Variants in SYK observed in about 807,000 individuals in gnomAD.
The protein encoded by SYK is tyrosine-protein kinase SYK.
Under a neutral mutation model 77.8 loss-of-function variants are expected in SYK, and 16 were observed. The ratio of observed to expected loss-of-function variants is 0.21; its 90% CI spans 0.14 to 0.31. SYK has a LOEUF of 0.31. Ranked by LOEUF, SYK falls within the 10% of genes least tolerant of loss-of-function variation. SYK has a pLI of 1.00. For synonymous variants in SYK, 312 were observed against 308.7 expected (o/e 1.01, Z -0.11); for missense variants, 529 against 814.4 (o/e 0.65, Z 4.26).
At position 90,845,560 on chromosome 9, in the gene SYK, G is replaced by A. The variant is rs200476529; in HGVS notation, c.544G>A (p.Val182Ile). 1.2e-6 allele frequency: 2 copies of A among 1,614,060 alleles called. No individual in the cohort carries two copies. The highest frequency in any genetic ancestry group is 1.7e-6 in the Non-Finnish European group (2 of 1,180,044). ...KISREESEQIVLIGSKTNGKF... is the reference protein window; with the variant it reads ...KISREESEQIILIGSKTNGKF... ...CTCTCGGGAAGAATCTGAGCAAATT[G>A]TCCTGATAGGATCAAAGACAAATGG... is the stretch of plus-strand genomic sequence containing the variant. The change falls in exon 3 of 14, where the codon GTC becomes ATC. Residue 182 changes from valine (V) to isoleucine (I), a missense_variant. By Grantham distance (29) the Val-to-Ile change is conservative (BLOSUM62 3). Coordinates refer to ENST00000375754, the MANE Select transcript of SYK (RefSeq NM_003177.7).
In SYK at chr9:90,844,333, C is replaced by T. The variant is rs201640567; in HGVS notation, c.417+18C>T. 256 of 1,565,114 alleles carry T rather than the reference C, an allele frequency of 1.6e-4. 1 individual carries two copies. In the South Asian group the frequency reaches 2.9e-3, roughly 18 times the overall value. ...ACCTGCAGGTGGGCCACAGCTGGTC[C>T]TGCTCCCTGGGCCCAGGGGGCCCTG... is the stretch of plus-strand genomic sequence containing the variant. On this transcript the variant is annotated intron_variant, in intron 2 of 13. Coordinates refer to ENST00000375754, the MANE Select transcript of SYK (RefSeq NM_003177.7).
At chr9:90,833,920 G>C (rs989651202) in intron 1 of SYK, among the ~76,000 whole-genome samples, 7 of 152,232 alleles carry the variant, frequency 4.6e-5, no homozygotes, top group African/African-American at 1.2e-4. Context: ...AGTGGGATAT[G>C]ATGGGCTCAT....
Position 90,897,042 on chromosome 9 carries a change from A to G in SYK, c.*1442A>G, listed in dbSNP as rs1305588352. On this transcript the variant is annotated 3_prime_UTR_variant, in exon 14 of 14. Coordinates refer to ENST00000375754, the MANE Select transcript of SYK (RefSeq NM_003177.7). ...ACTCTGTCAAAACAAACAAACAAAA[A>G]AACAACTTAAAGAGGTAATTTAGCC... 3.2e-5 allele frequency: 7 copies of G among 215,510 alleles called. No individual in the cohort carries two copies. The East Asian group carries it at 4.8e-4, about 15-fold the overall frequency. 13.3% of individuals were successfully genotyped at this position (215,510 alleles called of 1,614,324 possible). A position where few individuals can be genotyped will look rare whatever the true frequency, so the allele number is the denominator to read the frequency against.
chr9:90,802,625 C>T lies in SYK; in HGVS notation c.-42+732C>T, dbSNP rs74755060. Among the ~76,000 whole-genome samples the T allele has an allele frequency of 4.5e-3, 684 of 151,980 alleles. 3 individuals are homozygous for T. Among genetic ancestry groups the T allele is most frequent in the Non-Finnish European group, 7.6e-3 (517 of 67,948 alleles). ...ATGTGGCTCCAAAACCTTAAGCCCA[C>T]CTAAAAACTATATAAATGCAATCCA... On this transcript the variant is annotated intron_variant, in intron 1 of 13. Transcript: ENST00000375754.
intron 1 of SYK, among the ~76,000 whole-genome samples, chr9:90,818,766 T>C (rs776568355): frequency 6.6e-6 from 1 of 152,250 alleles, no homozygotes; most frequent in Non-Finnish European, 1.5e-5. Flanking sequence ...GATGAGGAAG[T>C]GGAGAGTAAT....
rs769353585 is a variant in SYK at position 90,877,531 on chromosome 9, A to G, written c.1182-40A>G. The G allele has an allele frequency of 1.9e-6, 3 of 1,608,232 alleles. No individual in the cohort carries two copies. The African/African-American group carries it at 4.0e-5, about 22-fold the overall frequency. On this transcript the variant is annotated intron_variant, in intron 9 of 13. Transcript: ENST00000375754. Reference sequence around the variant, plus strand: ...GGATAAGATTATCTAGAAGTGAGGCATTTTGGAAAGTTTCTTGTGTGTTAT... The same window carrying G: ...GGATAAGATTATCTAGAAGTGAGGCGTTTTGGAAAGTTTCTTGTGTGTTAT...
At chr9:90,817,179 G>A (rs1006816616) in intron 1 of SYK, among the ~76,000 whole-genome samples, 2 of 152,154 alleles carry the variant, frequency 1.3e-5, no homozygotes, top group South Asian at 2.1e-4. Flanking sequence ...TGTGGCCCAG[G>A]AAAGCCAAAA....
chr9:90,867,865 A>G (rs1827575438), intron 7 of SYK, among the ~76,000 whole-genome samples: 1 of 152,168 alleles, frequency 6.6e-6, no homozygotes, highest in Non-Finnish European at 1.5e-5. Flanking sequence ...ATAATGACTT[A>G]TTTATTCCTT....
intron 1 of SYK, among the ~76,000 whole-genome samples, chr9:90,836,694 C>T (rs1826099012): frequency 6.6e-6 from 1 of 152,178 alleles, no homozygotes; most frequent in Non-Finnish European, 1.5e-5. Flanking sequence ...TGATCTCTTG[C>T]AGTTCTCAAG....
At chr9:90,874,123 G>T in intron 7 of SYK, 81 bp from the exon 8 acceptor site, 1 of 1,129,684 alleles carries the variant, frequency 8.9e-7, no homozygotes, top group Non-Finnish European at 1.3e-6. Flanking sequence ...GTGATTATTG[G>T]AAAATAAAAA....
chr9:90,801,785 A>G (rs988913533), upstream of SYK: 2 of 152,086 alleles, frequency 1.3e-5, no homozygotes, highest in Non-Finnish European at 2.9e-5. Context: ...GTTGCCCAAA[A>G]TGAGGAAGAG....
Position 90,897,464 on chromosome 9 carries a change from A to G in SYK, c.*1864A>G. On this transcript the variant is annotated 3_prime_UTR_variant, in exon 14 of 14. Transcript: ENST00000375754. ...TATGAAAGGAGTGGTTGGATGTGCCAAGTTTGGTAAAGTGGTGACTGCATC... is the reference window on the plus strand; with the variant it reads ...TATGAAAGGAGTGGTTGGATGTGCCGAGTTTGGTAAAGTGGTGACTGCATC... 1 of 232,438 alleles carries G rather than the reference A, an allele frequency of 4.3e-6. No homozygotes were observed. Among genetic ancestry groups the G allele is most frequent in the Non-Finnish European group, 8.5e-6 (1 of 117,522 alleles). The allele number at this position is 232,438 out of a possible 1,614,324, so 14.4% of individuals were successfully genotyped here. A position where few individuals can be genotyped will look rare whatever the true frequency, so the allele number is the denominator to read the frequency against.
intron 7 of SYK, among the ~76,000 whole-genome samples, chr9:90,871,626 T>A (rs988310828): frequency 6.6e-6 from 1 of 152,242 alleles, no homozygotes. Context: ...TGCATCTTCA[T>A]CTTTATCATA....
At chr9:90,888,300 C>G (rs1828654415) in intron 12 of SYK, among the ~76,000 whole-genome samples, 2 of 152,160 alleles carry the variant, frequency 1.3e-5, no homozygotes, top group Non-Finnish European at 2.9e-5. Context: ...AGATGAAGAA[C>G]AGAACCCCAG....
chr9:90,836,071 G>A (rs1317566072), intron 1 of SYK, among the ~76,000 whole-genome samples: 3 of 152,214 alleles, frequency 2.0e-5, no homozygotes, highest in East Asian at 1.9e-4. Flanking sequence ...GGCAGATCAC[G>A]AGGTCAGGAG....
Position 90,867,866 on chromosome 9 carries a change from T to C in SYK, c.915+667T>C, listed in dbSNP as rs147829797. Among the ~76,000 whole-genome samples the C allele has an allele frequency of 1.8e-3, 281 of 152,360 alleles. 5 individuals carry two copies. The Middle Eastern group carries it at 0.027, about 15-fold the overall frequency. On this transcript the variant is annotated intron_variant, in intron 7 of 13. Transcript: ENST00000375754. ...CATGACTTTTATTTATAATGACTTA[T>C]TTATTCCTTCCCCCAAAATATGTAT...
intron 3 of SYK, 31 bp from the exon 4 acceptor site, chr9:90,862,175 G>T: frequency 6.4e-7 from 1 of 1,572,048 alleles, no homozygotes. Context: ...TGGCGGGCCT[G>T]GGGATGATGC....
chr9:90,835,941 T>C (rs1339828673), intron 1 of SYK, among the ~76,000 whole-genome samples: 4 of 152,234 alleles, frequency 2.6e-5, no homozygotes, highest in African/African-American at 9.6e-5. Flanking sequence ...AAAAAAGTTT[T>C]GAAGGTTTTT....
chr9:90,856,413 C>G (rs1239153155), intron 3 of SYK, among the ~76,000 whole-genome samples: 1 of 152,178 alleles, frequency 6.6e-6, no homozygotes, highest in Non-Finnish European at 1.5e-5. Flanking sequence ...GTTTGACCTT[C>G]TCAATTCATC....
Sources: gnomAD v4.1 joint callset for allele counts (sites outside exome capture counted in the v4.1 genomes callset) on GRCh38, gnomAD v4.1.1 for gene constraint, MANE v1.5 for transcripts, NCBI Gene and HGNC (gene_info 2026-07-23, HGNC 2026-07-21) for gene names.